TRAPPC9: variants seen among roughly 807,000 people sequenced by gnomAD.
The protein encoded by TRAPPC9 is IKK2 binding protein.
A neutral mutation model predicts 124.0 loss-of-function variants in TRAPPC9; 83 were observed. The ratio of observed to expected loss-of-function variants is 0.67; its 90% CI spans 0.56 to 0.80. The LOEUF (loss-of-function observed/expected upper bound fraction) is 0.80, where lower values mean the gene tolerates loss of function less well. Ranked by LOEUF, TRAPPC9 falls within the 30% of genes least tolerant of loss-of-function variation. The pLI, the probability that TRAPPC9 is intolerant of heterozygous loss-of-function variation, is 0.00. For missense variants in TRAPPC9, 1,302 were observed against 1,508.3 expected (o/e 0.86, Z 2.27); for synonymous variants, 638 against 617.5 (o/e 1.03, Z -0.49).
chr8:140,126,794 G>A (rs2061106361), intron 17 of TRAPPC9, among the ~76,000 whole-genome samples: 1 of 152,220 alleles, frequency 6.6e-6, no homozygotes, highest in South Asian at 2.1e-4. Context: ...ATCCTGCAGG[G>A]TGGGCCTAGC....
intron 5 of TRAPPC9, among the ~76,000 whole-genome samples, chr8:140,421,622 G>A (rs920873406): frequency 2.6e-5 from 4 of 152,054 alleles, no homozygotes; most frequent in East Asian, 1.9e-4. Flanking sequence ...TAGCTAATCC[G>A]CTGGACAATG....
chr8:140,168,306 G>A (rs961595311), intron 17 of TRAPPC9, among the ~76,000 whole-genome samples: 5 of 152,134 alleles, frequency 3.3e-5, no homozygotes, highest in Non-Finnish European at 7.4e-5. Flanking sequence ...CGAATGGTTC[G>A]GCAGCCTTCA....
intron 19 of TRAPPC9, among the ~76,000 whole-genome samples, chr8:139,950,902 G>A (rs758753458): frequency 1.3e-5 from 2 of 152,192 alleles, no homozygotes; most frequent in South Asian, 2.1e-4. Flanking sequence ...AAGAGGAGGC[G>A]CGGCAGGGAG....
chr8:139,758,639 G>T (rs1056158214), intron 21 of TRAPPC9, among the ~76,000 whole-genome samples: 1 of 152,188 alleles, frequency 6.6e-6, no homozygotes, highest in Non-Finnish European at 1.5e-5. Flanking sequence ...AGGAGGGGTT[G>T]CCCCAGGGCA....
chr8:140,059,115 C>T (rs1252576146), intron 17 of TRAPPC9, among the ~76,000 whole-genome samples: 1 of 152,142 alleles, frequency 6.6e-6, no homozygotes, highest in African/African-American at 2.4e-5. Flanking sequence ...TTCCTCCTGC[C>T]CCTTTACAAC....
intron 17 of TRAPPC9, among the ~76,000 whole-genome samples, chr8:140,172,428 G>A (rs371895106): frequency 1.6e-5 from 2 of 122,756 alleles, no homozygotes; most frequent in African/African-American, 3.0e-5. Context: ...GCAATGGAGG[G>A]GGGTTAAACT....
chr8:140,185,286 G>C (rs1386419203), intron 17 of TRAPPC9, among the ~76,000 whole-genome samples: 1 of 152,194 alleles, frequency 6.6e-6, no homozygotes, highest in East Asian at 1.9e-4. Context: ...CACGCACGTG[G>C]AGTCAGAGAA....
intron 19 of TRAPPC9, among the ~76,000 whole-genome samples, chr8:139,965,632 CT>C (rs1332928030): frequency 1.1e-5 from 1 of 88,078 alleles, no homozygotes; most frequent in Non-Finnish European, 2.8e-5. Flanking sequence ...CTGACACTGG[CT>C]GAGATTTTCC....
intron 19 of TRAPPC9, among the ~76,000 whole-genome samples, chr8:139,970,676 C>T (rs1375790848): frequency 6.6e-6 from 1 of 152,166 alleles, no homozygotes; most frequent in Non-Finnish European, 1.5e-5. Flanking sequence ...CTACTTCTAC[C>T]TCCTCATGGG....
intron 19 of TRAPPC9, among the ~76,000 whole-genome samples, chr8:139,927,797 A>T (rs895747527): frequency 3.5e-4 from 54 of 152,366 alleles, no homozygotes; most frequent in African/African-American, 1.2e-3. Flanking sequence ...CTATTGTTGC[A>T]GGCCAACCAC....
At chr8:139,762,920 C>T (rs537209442) in intron 21 of TRAPPC9, among the ~76,000 whole-genome samples, 2 of 152,318 alleles carry the variant, frequency 1.3e-5, no homozygotes, top group East Asian at 1.9e-4. Flanking sequence ...GGTGGAGCAG[C>T]GCAGTCCAGG....
At chr8:140,331,745 T>C (rs1409312029) in intron 9 of TRAPPC9, among the ~76,000 whole-genome samples, 3 of 151,970 alleles carry the variant, frequency 2.0e-5, no homozygotes, top group Admixed American at 2.0e-4. Context: ...TCACTAATCA[T>C]CAGGGAAATG....
chr8:139,924,932 G>C (rs1225695064), intron 19 of TRAPPC9, among the ~76,000 whole-genome samples: 2 of 152,208 alleles, frequency 1.3e-5, no homozygotes, highest in Non-Finnish European at 2.9e-5. Context: ...CATGAGCAGG[G>C]GGGTCAGCGG....
intron 16 of TRAPPC9, among the ~76,000 whole-genome samples, chr8:140,231,379 G>C (rs554132283): frequency 6.7e-6 from 1 of 150,102 alleles, no homozygotes; most frequent in Admixed American, 6.7e-5. Context: ...GAATGAATAA[G>C]TAAATGACCA....
rs528787360 is a variant in TRAPPC9 at position 140,335,003 on chromosome 8, T to C, written c.1496-23629A>G. Among the ~76,000 whole-genome samples, 5 of 152,206 alleles carry C rather than the reference T, an allele frequency of 3.3e-5. No individual in the cohort carries two copies. In the South Asian group the frequency reaches 8.3e-4, roughly 25 times the overall value. On this transcript the variant is annotated intron_variant, in intron 9 of 22. Transcript: ENST00000438773. ...CAAAAAATGTTCAGTGTATCTGAAG[T>C]ATAGGTTACATGGATAGAAAAAGTA... is the stretch of plus-strand genomic sequence containing the variant.
At chr8:140,100,968 G>C (rs547000931) in intron 17 of TRAPPC9, among the ~76,000 whole-genome samples, 43 of 152,296 alleles carry the variant, frequency 2.8e-4, no homozygotes, top group African/African-American at 1.0e-3. Context: ...GCTCCCTGGA[G>C]GACTATATGT....
rs369447578 is a variant in TRAPPC9 at position 139,932,539 on chromosome 8, G to C, written c.2811-22239C>G. 235 of 455,434 alleles carry C rather than the reference G, an allele frequency of 5.2e-4. 3 individuals are homozygous for C. The highest frequency in any genetic ancestry group is 4.2e-3 in the African/African-American group (210 of 50,142). 28.2% of individuals were successfully genotyped at this position (455,434 alleles called of 1,614,324 possible). ...GCACTTTGGAAGGCCGAGGCAGGTG[G>C]ATTGCCTGAGCTCAGGAGTTCGAGA... On this transcript the variant is annotated intron_variant, in intron 19 of 22. Transcript: ENST00000438773.
chr8:140,364,692 C>A (rs570206107), intron 8 of TRAPPC9, among the ~76,000 whole-genome samples: 9 of 152,092 alleles, frequency 5.9e-5, no homozygotes, highest in Non-Finnish European at 1.2e-4. Flanking sequence ...AAGTGATTCT[C>A]CTGCCTCAAC....
chr8:139,781,290 T>C (rs1821799099), intron 21 of TRAPPC9, among the ~76,000 whole-genome samples: 1 of 152,172 alleles, frequency 6.6e-6, no homozygotes, highest in African/African-American at 2.4e-5. Context: ...ATGGATAAAC[T>C]GTACTTATAG....
Sources: gnomAD v4.1 joint callset for allele counts (sites outside exome capture counted in the v4.1 genomes callset) on GRCh38, gnomAD v4.1.1 for gene constraint, MANE v1.5 for transcripts, NCBI Gene and HGNC (gene_info 2026-07-23, HGNC 2026-07-21) for gene names.